Variants in COL25A1 observed in about 807,000 individuals in gnomAD.
COL25A1 encodes the protein collagen type XXV alpha 1 chain, also known as collagen alpha-1(XXV) chain.
Under a neutral mutation model 128.4 loss-of-function variants are expected in COL25A1, and 103 were observed. That is an observed-to-expected ratio of 0.80 (90% confidence interval 0.68 to 0.94). COL25A1 has a LOEUF of 0.94. Ranked by LOEUF, COL25A1 falls within the 40% of genes least tolerant of loss-of-function variation. The pLI is 0.00. For missense variants in COL25A1, 745 were observed against 840.0 expected (o/e 0.89, Z 1.40); for synonymous variants, 279 against 277.2 (o/e 1.01, Z -0.06).
chr4:108,853,641 T>C (rs1736102761), intron 24 of COL25A1, among the ~76,000 whole-genome samples: 1 of 152,086 alleles, frequency 6.6e-6, no homozygotes, highest in Non-Finnish European at 1.5e-5. Context: ...ACATTAGGTA[T>C]TTCTCCAAAT....
intron 6 of COL25A1, among the ~76,000 whole-genome samples, chr4:108,984,549 A>G (rs1200928183): frequency 1.3e-5 from 2 of 152,180 alleles, no homozygotes; most frequent in African/African-American, 2.4e-5. Flanking sequence ...GCGGGAAGGC[A>G]GCTAAGGCCC....
intron 3 of COL25A1, among the ~76,000 whole-genome samples, chr4:109,239,394 G>GTATATA (rs144842941): frequency 2.2e-4 from 26 of 116,546 alleles, no homozygotes; most frequent in Non-Finnish European, 3.5e-4. Context: ...GTGTGTGTGT[G>GTATATA]TATATATATA....
intron 13 of COL25A1, among the ~76,000 whole-genome samples, chr4:108,916,623 T>C (rs1744907750): frequency 6.6e-6 from 1 of 152,238 alleles, no homozygotes; most frequent in Non-Finnish European, 1.5e-5. Context: ...ATGCCATATC[T>C]GTATTTTGTT....
At chr4:108,866,856 C>T (rs902338370) in intron 20 of COL25A1, among the ~76,000 whole-genome samples, 7 of 152,208 alleles carry the variant, frequency 4.6e-5, no homozygotes, top group Non-Finnish European at 5.9e-5. Flanking sequence ...ATGCATGTTG[C>T]TGTTTTAACA....
chr4:108,962,107 C>T (rs1279366936), intron 8 of COL25A1, among the ~76,000 whole-genome samples: 1 of 152,130 alleles, frequency 6.6e-6, no homozygotes, highest in Non-Finnish European at 1.5e-5. Context: ...AGGCTTCAAG[C>T]CAGGACAGCA....
chr4:109,027,942 G>A (rs1758467827), intron 5 of COL25A1, among the ~76,000 whole-genome samples: 2 of 152,128 alleles, frequency 1.3e-5, no homozygotes, highest in Admixed American at 6.5e-5. Context: ...TGAATAGATA[G>A]TTGGATATGC....
chr4:109,127,132 A>G (rs1040443285), intron 3 of COL25A1, among the ~76,000 whole-genome samples: 1 of 152,342 alleles, frequency 6.6e-6, no homozygotes, highest in Admixed American at 6.5e-5. Context: ...TCATAATCTG[A>G]TAGAATATTA....
intron 5 of COL25A1, among the ~76,000 whole-genome samples, chr4:109,041,621 C>CTAAG: frequency 6.6e-6 from 1 of 152,060 alleles, no homozygotes; most frequent in African/African-American, 2.4e-5. Context: ...TCCTTCTGAG[C>CTAAG]CCACAGCTAC....
chr4:109,135,068 A>G (rs1234358265), intron 3 of COL25A1, among the ~76,000 whole-genome samples: 2 of 151,282 alleles, frequency 1.3e-5, no homozygotes, highest in Non-Finnish European at 2.9e-5. Flanking sequence ...CTATTCAGAA[A>G]CACCCAAGTA....
chr4:108,824,224 A>C lies in COL25A1; in HGVS notation c.1795T>G (p.Phe599Val). The change falls in exon 35 of 38, where the codon TTC (phenylalanine) becomes GTC (valine). Residue 599 changes from phenylalanine to valine, a missense_variant. Around this residue, in one of 3 missense-constraint regions of COL25A1, gnomAD observed 387 missense variants for 441.9 expected, o/e 0.88. Coordinates refer to ENST00000399132, the MANE Select transcript of COL25A1 (RefSeq NM_198721.4). ...GKDGEPGLDG[F>V]PGPRGEKGDL... is the part of the protein sequence containing the mutation. ...CCCTTCTCACCCCGTGGACCAGGGA[A>C]GCCCTGTAAGATAAAAAGCAAACCA... 1 of 1,608,756 alleles carries C rather than the reference A, an allele frequency of 6.2e-7. No homozygotes were observed.
intron 3 of COL25A1, among the ~76,000 whole-genome samples, chr4:109,119,959 A>G (rs1371409648): frequency 6.6e-6 from 1 of 152,146 alleles, no homozygotes; most frequent in Non-Finnish European, 1.5e-5. Flanking sequence ...AGTTATCCCC[A>G]GTATGCAAGG....
chr4:108,847,880 A>G (rs1159268662), intron 27 of COL25A1, among the ~76,000 whole-genome samples: 1 of 152,190 alleles, frequency 6.6e-6, no homozygotes, highest in Admixed American at 6.5e-5. Flanking sequence ...TATGTGCACT[A>G]ACTGTATTAA....
At chr4:108,895,829 A>G (rs1742053758) in intron 16 of COL25A1, among the ~76,000 whole-genome samples, 1 of 151,704 alleles carries the variant, frequency 6.6e-6, no homozygotes, top group African/African-American at 2.4e-5. Flanking sequence ...CACCCAAGCA[A>G]TGTACACTAT....
At chr4:108,879,434 G>A (rs1739846339) in intron 19 of COL25A1, among the ~76,000 whole-genome samples, 1 of 151,868 alleles carries the variant, frequency 6.6e-6, no homozygotes, top group Non-Finnish European at 1.5e-5. Context: ...TAAACTGATG[G>A]TATATGGGTT....
chr4:109,156,078 G>A (rs1772001460), intron 3 of COL25A1, among the ~76,000 whole-genome samples: 1 of 152,098 alleles, frequency 6.6e-6, no homozygotes. Context: ...GTCAACTGCC[G>A]GTGCTGTAGC....
At chr4:109,010,678 A>G (rs775419565) in intron 5 of COL25A1, among the ~76,000 whole-genome samples, 57 of 152,348 alleles carry the variant, frequency 3.7e-4, no homozygotes, top group Non-Finnish European at 7.9e-4. Flanking sequence ...CACACCTAGT[A>G]TTACTGTGAT....
chr4:108,811,568 T>C lies in COL25A1; in HGVS notation c.*2359A>G, dbSNP rs1359121195. ...AAAAAAGATAGAAGGGAAAAAAATA[T>C]AGCCACTGGACACTGTAGTTTGTTT... On this transcript the variant is annotated 3_prime_UTR_variant, in exon 38 of 38. Transcript: ENST00000399132. 1 of 152,116 alleles carries C rather than the reference T, an allele frequency of 6.6e-6. No individual in the cohort carries two copies. The highest frequency in any genetic ancestry group is 1.5e-5 in the Non-Finnish European group (1 of 67,966). 9.4% of individuals were successfully genotyped at this position (152,116 alleles called of 1,614,324 possible). A position where few individuals can be genotyped will look rare whatever the true frequency, so the allele number is the denominator to read the frequency against.
At chr4:109,162,455 C>T (rs886535206) in intron 3 of COL25A1, among the ~76,000 whole-genome samples, 1 of 152,124 alleles carries the variant, frequency 6.6e-6, no homozygotes, top group African/African-American at 2.4e-5. Flanking sequence ...TCTCAAGACA[C>T]CTGCAACTAC....
chr4:109,062,108 C>T (rs565580116), intron 3 of COL25A1, among the ~76,000 whole-genome samples: 5 of 152,096 alleles, frequency 3.3e-5, no homozygotes, highest in African/African-American at 4.8e-5. Flanking sequence ...TGGCATCTTT[C>T]GTACTAATGA....
Sources: gnomAD v4.1 joint callset for allele counts (sites outside exome capture counted in the v4.1 genomes callset) on GRCh38, gnomAD v4.1.1 for gene constraint, gnomAD v4.1.1 regional missense constraint, MANE v1.5 for transcripts, NCBI Gene and HGNC (gene_info 2026-07-23, HGNC 2026-07-21) for gene names.